Variants in NFIA observed in about 807,000 individuals in gnomAD.
The protein encoded by NFIA is nuclear factor I A.
In NFIA, 8 loss-of-function variants were observed where a neutral mutation model predicts 62.8. That is an observed-to-expected ratio of 0.13 (90% confidence interval 0.07 to 0.23). The LOEUF (loss-of-function observed/expected upper bound fraction) is 0.23, where lower values mean the gene tolerates loss of function less well. Ranked by LOEUF, NFIA falls within the 10% of genes least tolerant of loss-of-function variation. The probability of loss-of-function intolerance (pLI) is 1.00; values close to 1 mark genes in which losing one functional copy is unlikely to be tolerated. For synonymous variants in NFIA, 235 were observed against 238.1 expected, an observed-to-expected ratio of 0.99 and a Z score of 0.12; for missense variants, 410 against 642.1, an observed-to-expected ratio of 0.64 and a Z score of 3.91.
At chr1:61,373,230 G>A (rs1331788246) in intron 6 of NFIA, among the ~76,000 whole-genome samples, 4 of 152,084 alleles carry the variant, frequency 2.6e-5, no homozygotes, top group Non-Finnish European at 4.4e-5. Context: ...TTTGTGGGAT[G>A]AACAGAGTGC....
chr1:61,359,557 G>GT (rs927606120), intron 6 of NFIA, among the ~76,000 whole-genome samples: 1 of 152,000 alleles, frequency 6.6e-6, no homozygotes, highest in African/African-American at 2.4e-5. Context: ...TTTGCTTTTG[G>GT]TTTTTTTGTT....
chr1:61,384,330 G>A (rs1483575850), intron 7 of NFIA, among the ~76,000 whole-genome samples: 1 of 152,164 alleles, frequency 6.6e-6, no homozygotes, highest in African/African-American at 2.4e-5. Context: ...TGCTCTGTGT[G>A]CATCTCAGGG....
chr1:61,224,044 C>CCTAT (rs1241652694), intron 2 of NFIA, among the ~76,000 whole-genome samples: 1 of 151,850 alleles, frequency 6.6e-6, no homozygotes, highest in East Asian at 1.9e-4. Flanking sequence ...ACTTTTAATG[C>CCTAT]TGATAAGATA....
At chr1:61,358,161 T>C (rs1181215805) in intron 5 of NFIA, among the ~76,000 whole-genome samples, 2 of 152,178 alleles carry the variant, frequency 1.3e-5, no homozygotes, top group Non-Finnish European at 2.9e-5. Flanking sequence ...GGCCACTCTT[T>C]TTTTATGTCT....
Position 61,437,089 on chromosome 1 carries a change from C to T in NFIA, c.1512+10533C>T, listed in dbSNP as rs143470951. On this transcript the variant is annotated intron_variant, in intron 10 of 10. Transcript: ENST00000403491. ...GTTCTCAGCACAGGGCAACCTCGGA[C>T]CCTCACAGTGCTGCCTTAATAATGT... Among the ~76,000 whole-genome samples the T allele has an allele frequency of 4.2e-3, 646 of 152,332 alleles. 1 individual carries two copies. The highest frequency in any genetic ancestry group is 0.015 in the African/African-American group (620 of 41,570).
At chr1:61,449,108 T>G (rs1027586998) in intron 10 of NFIA, among the ~76,000 whole-genome samples, 7 of 152,330 alleles carry the variant, frequency 4.6e-5, no homozygotes, top group Admixed American at 4.6e-4. Context: ...GTTACAAAAC[T>G]ATTGCACATG....
intron 10 of NFIA, among the ~76,000 whole-genome samples, chr1:61,445,152 T>C (rs1667752402): frequency 6.6e-6 from 1 of 152,198 alleles, no homozygotes; most frequent in Admixed American, 6.5e-5. Flanking sequence ...AATTAAATTG[T>C]CTGTGTTAGA....
intron 2 of NFIA, among the ~76,000 whole-genome samples, chr1:61,123,257 C>T (rs193193150): frequency 1.3e-5 from 2 of 152,240 alleles, no homozygotes; most frequent in East Asian, 3.9e-4. Context: ...GGTTTTGATA[C>T]GCAGGCCATC....
chr1:61,176,880 A>G (rs1036969298), intron 2 of NFIA, among the ~76,000 whole-genome samples: 7 of 152,134 alleles, frequency 4.6e-5, no homozygotes, highest in Middle Eastern at 3.2e-3. Flanking sequence ...TGCGGCGGGC[A>G]GATCACGAGG....
intron 2 of NFIA, among the ~76,000 whole-genome samples, chr1:61,191,187 G>A (rs1281951146): frequency 1.3e-5 from 2 of 152,044 alleles, no homozygotes; most frequent in East Asian, 3.9e-4. Flanking sequence ...ACCATTAAGA[G>A]ATTGGCGATT....
Position 61,337,441 on chromosome 1 carries a change from C to T in NFIA, c.700+4855C>T, listed in dbSNP as rs367983498. Among the ~76,000 whole-genome samples, 8 of 152,052 alleles carry T rather than the reference C, an allele frequency of 5.3e-5. No homozygotes were observed. In the East Asian group the frequency reaches 1.2e-3, roughly 22 times the overall value. On this transcript the variant is annotated intron_variant, in intron 4 of 10. Coordinates refer to ENST00000403491, the MANE Select transcript of NFIA (RefSeq NM_001134673.4). Reference sequence around the variant, plus strand: ...ATTTGTTCTCTTGCTAGTTTTTCCCCCATGTGGTAGGACCATCTGAAAGTA... The same window carrying T: ...ATTTGTTCTCTTGCTAGTTTTTCCCTCATGTGGTAGGACCATCTGAAAGTA...
At chr1:61,277,948 T>C (rs934373597) in intron 3 of NFIA, among the ~76,000 whole-genome samples, 1 of 152,150 alleles carries the variant, frequency 6.6e-6, no homozygotes, top group Non-Finnish European at 1.5e-5. Context: ...AGTTCTTTAA[T>C]GTGGCAAATG....
chr1:61,410,707 G>A (rs1271816774), intron 9 of NFIA, among the ~76,000 whole-genome samples: 1 of 152,098 alleles, frequency 6.6e-6, no homozygotes, highest in East Asian at 1.9e-4. Context: ...AGGAGTTCGA[G>A]ACCAGCCTGG....
At chr1:61,237,565 T>C (rs574704887) in intron 2 of NFIA, among the ~76,000 whole-genome samples, 2 of 152,166 alleles carry the variant, frequency 1.3e-5, no homozygotes, top group Non-Finnish European at 2.9e-5. Flanking sequence ...ATAAAACCCA[T>C]TGTGGGTGTT....
rs1237313463 is a variant in NFIA at position 61,317,029 on chromosome 1, TTAAA to T, written c.626-15479_626-15476del. Among the ~76,000 whole-genome samples, 12 of 152,276 alleles carry T rather than the reference TTAAA, an allele frequency of 7.9e-5. No homozygotes were observed. In the East Asian group the frequency reaches 1.2e-3, roughly 15 times the overall value. ...GAAGTACTTTCACATCTAAAAAAAT[TTAAA>T]TAACTTTTTTTCAAAAAAATACTGA... On this transcript the variant is annotated intron_variant, in intron 3 of 10. Coordinates refer to ENST00000403491, the MANE Select transcript of NFIA (RefSeq NM_001134673.4).
Position 61,359,293 on chromosome 1 carries a change from C to A in NFIA, c.946+19C>A. ...GAGCCAGGTAAGCAGAGTGGCGGCA[C>A]GGGCATGTGGCTAACACTGTGAAAC... On this transcript the variant is annotated intron_variant, in intron 6 of 10. Transcript: ENST00000403491. 1 of 1,611,994 alleles carries A rather than the reference C, an allele frequency of 6.2e-7. No individual in the cohort carries two copies. The highest frequency in any genetic ancestry group is 8.5e-7 in the Non-Finnish European group (1 of 1,179,874).
intron 7 of NFIA, 108 bp downstream of exon 7, chr1:61,383,473 G>A: frequency 2.9e-6 from 4 of 1,359,378 alleles, no homozygotes; most frequent in Non-Finnish European, 4.0e-6. Context: ...GTGAGGCAGT[G>A]AGTGTTCCAA....
At chr1:61,451,631 T>C (rs931654232) in intron 10 of NFIA, among the ~76,000 whole-genome samples, 1 of 152,194 alleles carries the variant, frequency 6.6e-6, no homozygotes, top group Non-Finnish European at 1.5e-5. Context: ...ACTGGAGCCT[T>C]GGTGGGAGTG....
At chr1:61,347,332 C>T (rs1362328571) in intron 4 of NFIA, among the ~76,000 whole-genome samples, 1 of 151,852 alleles carries the variant, frequency 6.6e-6, no homozygotes, top group Non-Finnish European at 1.5e-5. Flanking sequence ...CACCACCACG[C>T]CCGGCTAATT....
Sources: gnomAD v4.1 joint callset for allele counts (sites outside exome capture counted in the v4.1 genomes callset) on GRCh38, gnomAD v4.1.1 for gene constraint, MANE v1.5 for transcripts, NCBI Gene and HGNC (gene_info 2026-07-23, HGNC 2026-07-21) for gene names.